Variants in DSC3 observed in about 807,000 individuals in gnomAD.
DSC3 encodes desmocollin-3.
DSC3 carries 97 observed loss-of-function variants against 89.5 expected under a neutral mutation model. That is an observed-to-expected ratio of 1.08 (90% confidence interval 0.92 to 1.28). DSC3 has a LOEUF of 1.28. Ranked by LOEUF, DSC3 falls within the 50% of genes most tolerant of loss-of-function variation. DSC3 has a pLI of 0.00. For missense variants in DSC3, 1,199 were observed against 1,085.3 expected (o/e 1.10, Z -1.47); for synonymous variants, 436 against 384.1 (o/e 1.14, Z -1.58).
intron 3 of DSC3, 32 bp downstream of exon 3, chr18:31,030,941 A>AT: frequency 6.3e-7 from 1 of 1,590,024 alleles, no homozygotes; most frequent in Non-Finnish European, 8.6e-7. Context: ...TAATGAAAAA[A>AT]TGACTGAAAA....
intron 14 of DSC3, among the ~76,000 whole-genome samples, chr18:30,998,188 T>C (rs1032044170): frequency 2.6e-5 from 4 of 152,154 alleles, no homozygotes; most frequent in African/African-American, 9.7e-5. Flanking sequence ...TGATCTGATC[T>C]GATATTCCAG....
intron 14 of DSC3, among the ~76,000 whole-genome samples, chr18:31,000,198 AT>A (rs1984606093): frequency 6.6e-6 from 1 of 152,166 alleles, no homozygotes; most frequent in Admixed American, 6.5e-5. Flanking sequence ...AAGGCTGGAT[AT>A]GTAGTCGTTG....
intron 1 of DSC3, among the ~76,000 whole-genome samples, chr18:31,041,974 C>G (rs1174598769): frequency 6.6e-6 from 1 of 152,124 alleles, no homozygotes; most frequent in Non-Finnish European, 1.5e-5. Flanking sequence ...ACTTTCGCGC[C>G]CCCGGCACAT....
intron 9 of DSC3, among the ~76,000 whole-genome samples, chr18:31,011,947 GTACTTAAAAGTACTCCATCTCCAAAAAAA>G (rs1985079733): frequency 5.9e-5 from 3 of 51,090 alleles, no homozygotes; most frequent in East Asian, 8.0e-4. Flanking sequence ...AAAAAAAAAA[GTACTTAAAAGTACTCCATCTCCAAAAAAA>G]AAAAAAAAAA....
chr18:31,027,961 T>C (rs568188739), intron 4 of DSC3, among the ~76,000 whole-genome samples: 6 of 152,218 alleles, frequency 3.9e-5, no homozygotes, highest in Admixed American at 3.9e-4. Context: ...CTAATTGAGA[T>C]GGGAGGCTGT....
chr18:31,023,345 AAC>A (rs942605150), intron 6 of DSC3, among the ~76,000 whole-genome samples: 1 of 152,252 alleles, frequency 6.6e-6, no homozygotes, highest in Non-Finnish European at 1.5e-5. Context: ...GTGAGTTAGT[AAC>A]ACACCCTACA....
In DSC3 at chr18:31,031,086, T is replaced by C; in HGVS notation, c.241A>G (p.Thr81Ala). Residue 81 changes from threonine (T) to alanine (A), a missense_variant, in exon 3 of 16, where the codon ACA (threonine) becomes GCA (alanine). Coordinates refer to ENST00000360428, the MANE Select transcript of DSC3 (RefSeq NM_001941.5). ...FRVLNDGSVY[T>A]ARAVALSDKK... ...TCAGACAGCGCAACAGCCCTGGCTG[T>C]GTACACTGACCCATCATTTAGAACT... 6.2e-7 allele frequency: 1 copy of C among 1,614,140 alleles called. No homozygotes were observed. Among genetic ancestry groups the C allele is most frequent in the South Asian group, 1.1e-5 (1 of 91,072 alleles).
Position 30,996,981 on chromosome 18 carries a change from C to A in DSC3, c.2303G>T (p.Gly768Val). The A allele has an allele frequency of 6.2e-7, 1 of 1,614,116 alleles. No homozygotes were observed. Among genetic ancestry groups the A allele is most frequent in the Non-Finnish European group, 8.5e-7 (1 of 1,180,010 alleles). ...CTGCCCTCCATTTTTCATTCCTGAT[C>A]CCATAGTACCACAAAAACCTTGGCT... ...NSSQGFCGTM[G>V]SGMKNGGQET... Residue 768 changes from glycine (G) to valine (V), a missense_variant, in exon 15 of 16, where the codon GGA becomes GTA. Gly to Val is a moderately radical substitution (Grantham distance 109). Coordinates refer to ENST00000360428, the MANE Select transcript of DSC3 (RefSeq NM_001941.5).
rs1486494450 is a variant in DSC3, at chr18:31,008,121, T to C, written c.1558A>G (p.Ile520Val). The stretch of plus-strand genomic sequence containing the variant: ...ATGATTGACCCTGAAATTTCATCAA[T>C]GGTGATCCAACCTTTAGGATCATGC... ...KLHDPKGWIT[I>V]DEISGSIITS... Residue 520 changes from isoleucine (I) to valine (V), a missense_variant, in exon 11 of 16, where the codon ATT becomes GTT. By Grantham distance (29) the Ile-to-Val change is conservative. Coordinates refer to ENST00000360428, the MANE Select transcript of DSC3 (RefSeq NM_001941.5). 5 of 1,612,676 alleles carry C rather than the reference T, an allele frequency of 3.1e-6. No individual in the cohort carries two copies. Among genetic ancestry groups the C allele is most frequent in the Admixed American group, 1.7e-5 (1 of 59,868 alleles).
intron 9 of DSC3, among the ~76,000 whole-genome samples, chr18:31,015,693 TGACCAAGGAGCAGATA>T (rs1985212294): frequency 6.6e-6 from 1 of 152,204 alleles, no homozygotes; most frequent in African/African-American, 2.4e-5. Context: ...AGCTGCCTTC[TGACCAAGGAGCAGATA>T]GACAGCACAC....
chr18:31,042,561 C>G (rs1330062440), intron 1 of DSC3, 31 bp downstream of exon 1: 3 of 1,548,620 alleles, frequency 1.9e-6, no homozygotes, highest in Non-Finnish European at 2.6e-6. Context: ...CCCGTCCCCA[C>G]CCCAGCCCTA....
intron 14 of DSC3, among the ~76,000 whole-genome samples, chr18:30,997,534 C>A (rs531706173): frequency 6.6e-6 from 1 of 152,278 alleles, no homozygotes; most frequent in Admixed American, 6.5e-5. Context: ...AAAGGTCTCA[C>A]CTCTCAACAC....
rs182117296 is a variant in DSC3 at position 31,001,959 on chromosome 18, T to C, written c.2114-220A>G. On this transcript the variant is annotated intron_variant, in intron 13 of 15. Transcript: ENST00000360428. Reference sequence around the variant, plus strand: ...GTATTTTTTCATTATATCTCACTAATTGAATTCTGCCCATCAAAATAAAGT... The same window carrying C: ...GTATTTTTTCATTATATCTCACTAACTGAATTCTGCCCATCAAAATAAAGT... 2.4e-4 allele frequency among the ~76,000 whole-genome samples: 36 copies of C among 152,264 alleles called. No individual in the cohort carries two copies. The South Asian group carries it at 5.6e-3, about 24-fold the overall frequency.
intron 4 of DSC3, 116 bp from the exon 5 acceptor site, chr18:31,026,031 G>T: frequency 7.6e-6 from 8 of 1,059,084 alleles, no homozygotes; most frequent in Non-Finnish European, 9.6e-6. Flanking sequence ...AGAAAAGGTA[G>T]AAAAGAACAA....
At chr18:31,032,579 TGTGTGTGTGTGC>T (rs1451228519) in intron 1 of DSC3, among the ~76,000 whole-genome samples, 2,489 of 133,484 alleles carry the variant, frequency 0.019, 53 homozygotes, top group Admixed American at 0.059. Flanking sequence ...TGTGTGTGTG[TGTGTGTGTGTGC>T]GTGTGCGTGT....
At chr18:31,019,045 C>T (rs1175053504) in intron 7 of DSC3, among the ~76,000 whole-genome samples, 1 of 152,094 alleles carries the variant, frequency 6.6e-6, no homozygotes, top group African/African-American at 2.4e-5. Flanking sequence ...CAGGTAATAG[C>T]GAAAAGGTTT....
intron 3 of DSC3, among the ~76,000 whole-genome samples, chr18:31,030,233 T>A (rs1249967929): frequency 6.6e-6 from 1 of 152,196 alleles, no homozygotes; most frequent in Non-Finnish European, 1.5e-5. Flanking sequence ...GATAGTGCCA[T>A]CTCTATCATG....
intron 13 of DSC3, among the ~76,000 whole-genome samples, chr18:31,002,926 C>T (rs958501021): frequency 1.3e-5 from 2 of 152,102 alleles, no homozygotes; most frequent in African/African-American, 4.8e-5. Flanking sequence ...AAAAGTGTGC[C>T]AACTCTTGCC....
intron 12 of DSC3, among the ~76,000 whole-genome samples, chr18:31,005,936 A>G (rs182905356): frequency 6.6e-6 from 1 of 152,288 alleles, no homozygotes; most frequent in Admixed American, 6.5e-5. Context: ...TAGATAGTAG[A>G]TGTTCATAAA....
Sources: gnomAD v4.1 joint callset for allele counts (sites outside exome capture counted in the v4.1 genomes callset) on GRCh38, gnomAD v4.1.1 for gene constraint, MANE v1.5 for transcripts, NCBI Gene and HGNC (gene_info 2026-07-23, HGNC 2026-07-21) for gene names.